The following RAVER1 variants were observed in gnomAD, a reference collection of about 807,000 sequenced individuals.
RAVER1 encodes ribonucleoprotein, PTB binding 1, also known as ribonucleoprotein PTB-binding 1.
RAVER1 carries 36 observed loss-of-function variants against 68.4 expected under a neutral mutation model. The observed-to-expected ratio is 0.53, with a 90% CI of 0.40 to 0.70. RAVER1 has a LOEUF of 0.70. Among genes scored for constraint, RAVER1 ranks in the 30% least tolerant of loss-of-function variants. The pLI, the probability that RAVER1 is intolerant of heterozygous loss-of-function variation, is 0.00. For missense variants in RAVER1, 933 were observed against 1,019.8 expected, an observed-to-expected ratio of 0.91 and a Z score of 1.16; for synonymous variants, 469 against 472.7, an observed-to-expected ratio of 0.99 and a Z score of 0.10.
intron 9 of RAVER1, 44 bp from the exon 10 acceptor site, chr19:10,319,284 A>G (rs367706336): frequency 1.3e-6 from 2 of 1,584,384 alleles, no homozygotes; most frequent in Non-Finnish European, 1.7e-6. Flanking sequence ...AGTCTGTCCC[A>G]GCCTCACCCC....
intron 1 of RAVER1, among the ~76,000 whole-genome samples, chr19:10,331,393 C>CAAAAAA (rs1171709414): frequency 2.9e-4 from 14 of 48,512 alleles, no homozygotes; most frequent in African/African-American, 9.3e-4. Context: ...ATAACAACAA[C>CAAAAAA]AAAAAAAAAA....
intron 9 of RAVER1, among the ~76,000 whole-genome samples, chr19:10,319,732 C>CT (rs2040419893): frequency 6.6e-6 from 1 of 150,896 alleles, no homozygotes; most frequent in African/African-American, 2.4e-5. Flanking sequence ...ACAGGCATGT[C>CT]TACCACACCT....
intron 3 of RAVER1, among the ~76,000 whole-genome samples, chr19:10,325,578 G>C (rs1422450800): frequency 6.6e-6 from 1 of 152,132 alleles, no homozygotes; most frequent in Admixed American, 6.6e-5. Flanking sequence ...CTGACCTCAA[G>C]TGATCTGCCC....
At position 10,318,363 on chromosome 19, in the gene RAVER1, G is replaced by A. The variant is rs746814768; in HGVS notation, c.1855C>T (p.Pro619Ser). Residue 619 changes from proline to serine, a missense_variant, in exon 11 of 13, where the codon CCG (proline) becomes TCG (serine). Coordinates refer to ENST00000617231, the MANE Select transcript of RAVER1 (RefSeq NM_133452.3). ...CTCCGTTCGCCGAAGCCACTGGGCG[G>A]GGGGGACATCTGTAGAAGAAGGGCC... ...HGPSRHKMSP[P>S]PSGFGERSSG... 8.8e-6 allele frequency: 14 copies of A among 1,599,252 alleles called. No homozygotes were observed. The highest frequency in any genetic ancestry group is 5.3e-5 in the Admixed American group (3 of 56,460).
chr19:10,322,638 G>C lies in RAVER1; in HGVS notation c.1173+7C>G. On this transcript the variant is annotated splice_region_variant and intron_variant, in intron 6 of 12. Transcript: ENST00000617231. The surrounding 1 kb of genome is among the most constrained non-coding windows in gnomAD (Gnocchi z 4.3). ...AGAGCAGTGGGTGAGGGGGATGCGT[G>C]TGTTACCTTCTGGCCCTGGGTCTGC... 6.5e-7 allele frequency: 1 copy of C among 1,532,912 alleles called. No individual in the cohort carries two copies. Among genetic ancestry groups the C allele is most frequent in the South Asian group, 1.3e-5 (1 of 79,070 alleles). 95.0% of individuals were successfully genotyped at this position (1,532,912 alleles called of 1,614,324 possible).
rs78680617 is a variant in RAVER1 at position 10,322,908 on chromosome 19, C to A, written c.1079-169G>T. Among the ~76,000 whole-genome samples, 331 of 152,176 alleles carry A rather than the reference C, an allele frequency of 2.2e-3. 2 individuals are homozygous for A. Among genetic ancestry groups the A allele is most frequent in the African/African-American group, 7.6e-3 (316 of 41,508 alleles). ...GGCCTAGAAGGGGCAGAGGCTACTC[C>A]AGTGAAGGTCAGCCCCCTCTTGTCA... On this transcript the variant is annotated intron_variant, in intron 5 of 12. Coordinates refer to ENST00000617231, the MANE Select transcript of RAVER1 (RefSeq NM_133452.3). The surrounding 1 kb of genome is among the most constrained non-coding windows in gnomAD (Gnocchi z 4.3).
rs953975138 is a variant in RAVER1, at chr19:10,328,883, G to C, written c.515C>G (p.Ser172Cys). The change falls in exon 3 of 13, where the codon TCC (serine) becomes TGC (cysteine). Residue 172 changes from serine to cysteine, a missense_variant. Physicochemically the swap from Ser to Cys is moderately radical, Grantham distance 112. Transcript: ENST00000617231. This position sits in a 1 kb window ranked among gnomAD's most constrained non-coding sequence, Gnocchi z 4.4. Reference sequence around the variant, plus strand: ...GTACTCAGCAAAGCCATAGCCCTTGGATTGGCCAGTGCGCTCACTGTAGAC... The same window carrying C: ...GTACTCAGCAAAGCCATAGCCCTTGCATTGGCCAGTGCGCTCACTGTAGAC... ...FLVYSERTGQ[S>C]KGYGFAEYMK... 3 of 1,613,394 alleles carry C rather than the reference G, an allele frequency of 1.9e-6. No individual in the cohort carries two copies. The highest frequency in any genetic ancestry group is 2.5e-6 in the Non-Finnish European group (3 of 1,179,840).
Position 10,333,438 on chromosome 19 carries a change from C to G in RAVER1, c.70G>C (p.Gly24Arg), listed in dbSNP as rs773890942. Residue 24 changes from glycine (G) to arginine (R), a missense_variant, in exon 1 of 13, where the codon GGC becomes CGC. Around this residue, in one of 3 missense-constraint regions of RAVER1, gnomAD observed 211 missense variants for 230.0 expected, o/e 0.92. Coordinates refer to ENST00000617231, the MANE Select transcript of RAVER1 (RefSeq NM_133452.3). The surrounding 1 kb of genome is among the most constrained non-coding windows in gnomAD (Gnocchi z 4.2). ...SPKSGAEVEA[G>R]DAAERRAPEE... ...GGCGCCCGGCGCTCCGCGGCATCGC[C>G]GGCTTCGACTTCGGCCCCAGACTTA... 1.2e-6 allele frequency: 2 copies of G among 1,612,996 alleles called. No homozygotes were observed. The highest frequency in any genetic ancestry group is 8.5e-7 in the Non-Finnish European group (1 of 1,179,788).
chr19:10,325,165 C>A (rs1344521390), intron 3 of RAVER1, among the ~76,000 whole-genome samples: 1 of 152,108 alleles, frequency 6.6e-6, no homozygotes, highest in East Asian at 1.9e-4. Flanking sequence ...GGATTAAAGG[C>A]ACCTACCACC....
Position 10,329,072 on chromosome 19 carries a change from G to A in RAVER1, c.326C>T (p.Ala109Val), listed in dbSNP as rs1402666624. 5 of 1,512,714 alleles carry A rather than the reference G, an allele frequency of 3.3e-6. No homozygotes were observed. The Admixed American group carries it at 8.5e-5, about 26-fold the overall frequency. The allele number at this position is 1,512,714 out of a possible 1,614,324, so 93.7% of individuals were successfully genotyped here. A position where few individuals can be genotyped will look rare whatever the true frequency, so the allele number is the denominator to read the frequency against. ...TLLNGEQAEA[A>V]INAFHQSRLR... is the part of the protein sequence containing the mutation. ...GCGGCTCTGGTGGAAAGCATTGATTGCGGCCTCGGCCTGCTCCCCATTCAG... is the reference window on the plus strand; with the variant it reads ...GCGGCTCTGGTGGAAAGCATTGATTACGGCCTCGGCCTGCTCCCCATTCAG... Residue 109 changes from alanine (A) to valine (V), a missense_variant, in exon 3 of 13, where the codon GCA (alanine) becomes GTA (valine). Ala to Val is a moderately conservative substitution (Grantham distance 64). Transcript: ENST00000617231. This position sits in a 1 kb window ranked among gnomAD's most constrained non-coding sequence, Gnocchi z 4.6.
Position 10,322,620 on chromosome 19 carries a change from TG to T in RAVER1, c.1173+24del. ...AGAGCCTGTAGGGGCTGTAGAGCAGTGGGTGAGGGGGATGCGTGTGTTACCT... is the reference window on the plus strand; with the variant it reads ...AGAGCCTGTAGGGGCTGTAGAGCAGTGGTGAGGGGGATGCGTGTGTTACCT... On this transcript the variant is annotated intron_variant, in intron 6 of 12. Coordinates refer to ENST00000617231, the MANE Select transcript of RAVER1 (RefSeq NM_133452.3). This position sits in a 1 kb window ranked among gnomAD's most constrained non-coding sequence, Gnocchi z 4.3. 1 of 1,465,718 alleles carries T rather than the reference TG, an allele frequency of 6.8e-7. No homozygotes were observed. The highest frequency in any genetic ancestry group is 1.3e-5 in the South Asian group (1 of 75,424). The allele number at this position is 1,465,718 out of a possible 1,614,324, so 90.8% of individuals were successfully genotyped here.
chr19:10,329,231 C>T lies in RAVER1; in HGVS notation c.287-120G>A, dbSNP rs1486233163. 9.0e-6 allele frequency: 6 copies of T among 667,300 alleles called. No individual in the cohort carries two copies. The South Asian group carries it at 1.2e-4, about 14-fold the overall frequency. 41.3% of individuals were successfully genotyped at this position (667,300 alleles called of 1,614,324 possible). A position where few individuals can be genotyped will look rare whatever the true frequency, so the allele number is the denominator to read the frequency against. On this transcript the variant is annotated intron_variant, in intron 2 of 12. Coordinates refer to ENST00000617231, the MANE Select transcript of RAVER1 (RefSeq NM_133452.3). This position sits in a 1 kb window ranked among gnomAD's most constrained non-coding sequence, Gnocchi z 4.6. ...CTGGGCATCTCAGGTGCCTGCTGAT[C>T]TGAGCAGTTGCCAGCCTTGGCGACT...
chr19:10,322,420 G>A lies in RAVER1; in HGVS notation c.1173+225C>T, dbSNP rs1237227188. On this transcript the variant is annotated intron_variant, in intron 6 of 12. Coordinates refer to ENST00000617231, the MANE Select transcript of RAVER1 (RefSeq NM_133452.3). The surrounding 1 kb of genome is among the most constrained non-coding windows in gnomAD (Gnocchi z 4.3). ...CCCACCCCAGGCACCAAGTCCAGGG[G>A]CGCTCTCAGAATGGAGGGAAAGATG... The A allele has an allele frequency of 2.0e-6, 1 of 503,948 alleles. No individual in the cohort carries two copies. The highest frequency in any genetic ancestry group is 3.4e-6 in the Non-Finnish European group (1 of 290,212). The allele number at this position is 503,948 out of a possible 1,614,324, so 31.2% of individuals were successfully genotyped here.
rs778375078 is a variant in RAVER1 at position 10,323,203 on chromosome 19, G to A, written c.1020C>T (p.Ser340=). 122 of 1,612,866 alleles carry A rather than the reference G, an allele frequency of 7.6e-5. No homozygotes were observed. Among genetic ancestry groups the A allele is most frequent in the South Asian group, 3.6e-4 (33 of 90,942 alleles). ...GGTTGAGCAGCAGCTGGAGGGACGC[G>A]GATGGGCCCAGGTTGTTGAGCAGCT... is the stretch of plus-strand genomic sequence containing the variant. The part of the protein sequence containing the change: ...ILQLLNNLGP[S]ASLQLLLNPL... Residue 340 remains serine (S), a synonymous_variant, in exon 5 of 13, where the codon TCC becomes TCT. Transcript: ENST00000617231. The surrounding 1 kb of genome is among the most constrained non-coding windows in gnomAD (Gnocchi z 6.2).
chr19:10,328,575 A>G lies in RAVER1; in HGVS notation c.756+67T>C. The G allele has an allele frequency of 9.6e-7, 1 of 1,041,446 alleles. No homozygotes were observed. The highest frequency in any genetic ancestry group is 1.6e-5 in the South Asian group (1 of 61,096). The allele number at this position is 1,041,446 out of a possible 1,614,324, so 64.5% of individuals were successfully genotyped here. On this transcript the variant is annotated intron_variant, in intron 3 of 12. Coordinates refer to ENST00000617231, the MANE Select transcript of RAVER1 (RefSeq NM_133452.3). The surrounding 1 kb of genome is among the most constrained non-coding windows in gnomAD (Gnocchi z 4.4). Reference sequence around the variant, plus strand: ...AAAAAAAAAAAAGAAAAGGCAGATGACTCCAAAGACTCTCTCAGGTGCTCC... The same window carrying G: ...AAAAAAAAAAAAGAAAAGGCAGATGGCTCCAAAGACTCTCTCAGGTGCTCC...
chr19:10,332,044 G>A (rs1355674973), intron 1 of RAVER1, among the ~76,000 whole-genome samples: 1 of 152,104 alleles, frequency 6.6e-6, no homozygotes, highest in Non-Finnish European at 1.5e-5. Flanking sequence ...ACCTAGGCTA[G>A]AGTGTAGTAG....
chr19:10,319,491 C>A (rs2040418432), intron 9 of RAVER1, among the ~76,000 whole-genome samples: 1 of 152,228 alleles, frequency 6.6e-6, no homozygotes, highest in South Asian at 2.1e-4. Context: ...TGCAGTTTTC[C>A]TGTGTTGGCG....
chr19:10,325,237 T>G (rs1039192610), intron 3 of RAVER1, among the ~76,000 whole-genome samples: 1 of 152,098 alleles, frequency 6.6e-6, no homozygotes, highest in Non-Finnish European at 1.5e-5. Flanking sequence ...TTGTTTTGTT[T>G]TTTTTGAGAC....
intron 9 of RAVER1, among the ~76,000 whole-genome samples, chr19:10,320,410 G>A (rs2145067765): frequency 6.6e-6 from 1 of 151,394 alleles, no homozygotes; most frequent in Admixed American, 6.6e-5. Flanking sequence ...AGACTGAGGT[G>A]TGAGGATCGC....
Sources: gnomAD v4.1 joint callset for allele counts (sites outside exome capture counted in the v4.1 genomes callset) on GRCh38, gnomAD v4.1.1 for gene constraint, gnomAD v4.1.1 regional missense constraint, Gnocchi (gnomAD v3.1) non-coding constraint, MANE v1.5 for transcripts, NCBI Gene and HGNC (gene_info 2026-07-23, HGNC 2026-07-21) for gene names.